SMYD3: variants seen among roughly 807,000 people sequenced by gnomAD.
SMYD3 encodes the protein histone-lysine N-methyltransferase SMYD3.
In SMYD3, 36 loss-of-function variants were observed where a neutral mutation model predicts 57.7. That is an observed-to-expected ratio of 0.62 (90% CI 0.48 to 0.82). SMYD3 has a LOEUF of 0.82. Among genes scored for constraint, SMYD3 ranks in the 40% least tolerant of loss-of-function variants. The pLI is 0.00. For missense variants in SMYD3, 515 were observed against 538.8 expected (o/e 0.96, Z 0.44); for synonymous variants, 211 against 195.0 (o/e 1.08, Z -0.68).
intron 5 of SMYD3, among the ~76,000 whole-genome samples, chr1:246,307,525 T>C (rs567841721): frequency 6.7e-6 from 1 of 149,016 alleles, no homozygotes; most frequent in Admixed American, 6.7e-5. Flanking sequence ...GTTCACGCCA[T>C]TCTCCTGCCT....
chr1:245,833,064 A>AG (rs2148390476), intron 10 of SMYD3, among the ~76,000 whole-genome samples: 1 of 84,712 alleles, frequency 1.2e-5, no homozygotes, highest in Non-Finnish European at 3.9e-5. Context: ...TGTGACAAAA[A>AG]AAAAAAAAAA....
At chr1:246,337,528 G>A (rs374940732) in intron 2 of SMYD3, among the ~76,000 whole-genome samples, 4 of 152,204 alleles carry the variant, frequency 2.6e-5, no homozygotes, top group Non-Finnish European at 5.9e-5. Flanking sequence ...TAACTTTGGC[G>A]TTAGTTTTCC....
intron 8 of SMYD3, among the ~76,000 whole-genome samples, chr1:245,903,805 G>A (rs542585121): frequency 2.6e-5 from 4 of 152,304 alleles, no homozygotes; most frequent in African/African-American, 9.6e-5. Flanking sequence ...GAGCAGGTGG[G>A]ATGCCCCAAG....
chr1:246,397,141 A>G (rs910211106), intron 1 of SMYD3, among the ~76,000 whole-genome samples: 3 of 152,208 alleles, frequency 2.0e-5, no homozygotes, highest in African/African-American at 4.8e-5. Context: ...GGAGGTGAGT[A>G]GCGGGCAAGC....
chr1:245,768,719 G>A (rs796377267), intron 10 of SMYD3, among the ~76,000 whole-genome samples: 1 of 152,246 alleles, frequency 6.6e-6, no homozygotes, highest in African/African-American at 2.4e-5. Flanking sequence ...CAGGTTTCAC[G>A]AAGTGTTCAG....
At chr1:245,894,576 C>G (rs188761390) in intron 8 of SMYD3, among the ~76,000 whole-genome samples, 7 of 152,182 alleles carry the variant, frequency 4.6e-5, no homozygotes, top group African/African-American at 1.7e-4. Context: ...ATGAACCCAC[C>G]GGAAGGAACC....
At chr1:246,489,128 C>T (rs1175377390) in intron 1 of SMYD3, among the ~76,000 whole-genome samples, 2 of 152,096 alleles carry the variant, frequency 1.3e-5, no homozygotes, top group East Asian at 1.9e-4. Flanking sequence ...GGGCGGATCA[C>T]GAGGTCAAGA....
intron 10 of SMYD3, among the ~76,000 whole-genome samples, chr1:245,823,962 A>G (rs1264461444): frequency 6.6e-6 from 1 of 152,232 alleles, no homozygotes; most frequent in Non-Finnish European, 1.5e-5. Flanking sequence ...AGGGCAGGGC[A>G]TGGCCAGAAT....
rs1553289393 is a variant in SMYD3, at chr1:246,102,755, A to AAAT, written c.532-172821_532-172819dup. On this transcript the variant is annotated intron_variant, in intron 5 of 11. Coordinates refer to ENST00000490107, the MANE Select transcript of SMYD3 (RefSeq NM_001167740.2). The stretch of plus-strand genomic sequence containing the variant: ...AGACCTTGGCTCTCAAAAAAAAAAA[A>AAAT]AATAATAATAATAATAATCCTACCT... Among the ~76,000 whole-genome samples, 1,008 of 146,960 alleles carry AAAT rather than the reference A, an allele frequency of 6.9e-3. 5 individuals carry two copies. Among genetic ancestry groups the AAAT allele is most frequent in the Middle Eastern group, 0.028 (8 of 286 alleles).
intron 5 of SMYD3, among the ~76,000 whole-genome samples, chr1:246,032,147 G>C (rs2059689053): frequency 6.6e-6 from 1 of 152,178 alleles, no homozygotes; most frequent in African/African-American, 2.4e-5. Flanking sequence ...TCCACTTTCA[G>C]CCATGAAGTA....
chr1:245,804,719 T>C (rs1164049476), intron 10 of SMYD3, among the ~76,000 whole-genome samples: 1 of 152,182 alleles, frequency 6.6e-6, no homozygotes, highest in Non-Finnish European at 1.5e-5. Flanking sequence ...TTTGCCCTTT[T>C]GCATTCTGCC....
At chr1:245,841,226 T>C (rs1255704372) in intron 10 of SMYD3, among the ~76,000 whole-genome samples, 1 of 152,220 alleles carries the variant, frequency 6.6e-6, no homozygotes, top group African/African-American at 2.4e-5. Context: ...ATACTCACAA[T>C]GGGATTGTTT....
At chr1:246,411,707 C>G (rs958343623) in intron 1 of SMYD3, among the ~76,000 whole-genome samples, 2 of 151,802 alleles carry the variant, frequency 1.3e-5, no homozygotes, top group African/African-American at 4.8e-5. Context: ...CCATCATTCT[C>G]AGCAATCTAT....
chr1:246,049,335 C>A (rs774597401), intron 5 of SMYD3, among the ~76,000 whole-genome samples: 2 of 152,028 alleles, frequency 1.3e-5, no homozygotes, highest in Non-Finnish European at 2.9e-5. Context: ...CTCGCTCTGT[C>A]GCCCAGGCTG....
At chr1:246,224,622 G>C (rs992925365) in intron 5 of SMYD3, among the ~76,000 whole-genome samples, 1 of 151,666 alleles carries the variant, frequency 6.6e-6, no homozygotes, top group African/African-American at 2.4e-5. Flanking sequence ...ATATAGAGGA[G>C]CAGGAAAGGA....
At chr1:246,013,400 G>A (rs1163054283) in intron 5 of SMYD3, among the ~76,000 whole-genome samples, 4 of 152,060 alleles carry the variant, frequency 2.6e-5, no homozygotes, top group South Asian at 2.1e-4. Flanking sequence ...GGCTGGTCTC[G>A]AACTCCCAAC....
intron 5 of SMYD3, among the ~76,000 whole-genome samples, chr1:246,219,823 A>AC (rs1465797449): frequency 6.6e-6 from 1 of 152,042 alleles, no homozygotes; most frequent in Non-Finnish European, 1.5e-5. Flanking sequence ...GCACTCACAC[A>AC]CCTGCATGCC....
chr1:245,818,849 C>T (rs1159110368), intron 10 of SMYD3, among the ~76,000 whole-genome samples: 2 of 149,966 alleles, frequency 1.3e-5, no homozygotes, highest in African/African-American at 2.5e-5. Context: ...GCTAACTATC[C>T]TAAATATATA....
chr1:246,047,349 G>GTTATGATAACTTTAAGCC (rs1314405312), intron 5 of SMYD3, among the ~76,000 whole-genome samples: 1 of 152,136 alleles, frequency 6.6e-6, no homozygotes, highest in African/African-American at 2.4e-5. Flanking sequence ...AAAGCCAAGT[G>GTTATGATAACTTTAAGCC]TTATGATAAC....
Sources: gnomAD v4.1 joint callset for allele counts (sites outside exome capture counted in the v4.1 genomes callset) on GRCh38, gnomAD v4.1.1 for gene constraint, MANE v1.5 for transcripts, NCBI Gene and HGNC (gene_info 2026-07-23, HGNC 2026-07-21) for gene names.